TIAM2: variants seen among roughly 807,000 people sequenced by gnomAD.
TIAM2 encodes the protein TIAM Rac1 associated GEF 2, also known as rho guanine nucleotide exchange factor TIAM2.
TIAM2 carries 80 observed loss-of-function variants against 152.9 expected under a neutral mutation model. That is an observed-to-expected ratio of 0.52 (90% CI 0.44 to 0.63). The LOEUF is 0.63. Among genes scored for constraint, TIAM2 ranks in the 30% least tolerant of loss-of-function variants. The probability of loss-of-function intolerance (pLI) is 0.00; values close to 1 mark genes in which losing one functional copy is unlikely to be tolerated. For missense variants in TIAM2, 1,965 were observed against 2,120.1 expected, an observed-to-expected ratio of 0.93 and a Z score of 1.44; for synonymous variants, 804 against 838.0, an observed-to-expected ratio of 0.96 and a Z score of 0.70.
chr6:155,236,934 C>G (rs188998981), intron 15 of TIAM2, among the ~76,000 whole-genome samples: 2 of 152,246 alleles, frequency 1.3e-5, no homozygotes, highest in Admixed American at 1.3e-4. Flanking sequence ...TGGCCCCTCC[C>G]AAATCTCATA....
chr6:155,159,108 A>G (rs1397332640), intron 7 of TIAM2, among the ~76,000 whole-genome samples: 1 of 151,860 alleles, frequency 6.6e-6, no homozygotes, highest in East Asian at 1.9e-4. Flanking sequence ...CTTTTATGTC[A>G]CCTTCTGAAG....
chr6:155,181,242 C>G (rs1780894040), intron 12 of TIAM2, among the ~76,000 whole-genome samples: 1 of 152,118 alleles, frequency 6.6e-6, no homozygotes, highest in Non-Finnish European at 1.5e-5. Context: ...GACACTAAGT[C>G]AGGAGCCATG....
chr6:155,161,877 CTTTT>C (rs1780282764), intron 7 of TIAM2, among the ~76,000 whole-genome samples: 1 of 152,126 alleles, frequency 6.6e-6, no homozygotes. Context: ...CACTCCCGGC[CTTTT>C]TTGTCTTTTT....
chr6:155,175,252 A>G (rs887150815), intron 9 of TIAM2, among the ~76,000 whole-genome samples: 3 of 152,218 alleles, frequency 2.0e-5, no homozygotes, highest in Non-Finnish European at 4.4e-5. Context: ...ATTGAGCACC[A>G]TGTTTTCAAA....
chr6:155,077,419 C>A (rs1387607733), intron 1 of TIAM2, among the ~76,000 whole-genome samples: 2 of 152,148 alleles, frequency 1.3e-5, no homozygotes, highest in African/African-American at 4.8e-5. Flanking sequence ...GTGCTGCCTT[C>A]TCAATTTTCC....
At chr6:155,089,195 T>A (rs573034962) in intron 1 of TIAM2, among the ~76,000 whole-genome samples, 79 of 141,048 alleles carry the variant, frequency 5.6e-4, no homozygotes, top group African/African-American at 1.7e-3. Context: ...TAGGAGAGGA[T>A]CCAGAAACCA....
chr6:155,029,485 C>CTATATACTATATATTATATATAATA (rs371777184), intron 1 of TIAM2, among the ~76,000 whole-genome samples: 1 of 10,370 alleles, frequency 9.6e-5, no homozygotes, highest in Non-Finnish European at 1.8e-4. Flanking sequence ...AGTATATATA[C>CTATATACTATATATTATATATAATA]TATAGTATAT....
At chr6:155,018,898 G>C (rs911207682) in intron 1 of TIAM2, among the ~76,000 whole-genome samples, 23 of 146,724 alleles carry the variant, frequency 1.6e-4, no homozygotes. Context: ...AAATTAGCTG[G>C]GTCTGGTGGC....
At chr6:155,106,232 T>C (rs1248186982) in intron 2 of TIAM2, among the ~76,000 whole-genome samples, 2 of 152,048 alleles carry the variant, frequency 1.3e-5, no homozygotes, top group Non-Finnish European at 2.9e-5. Flanking sequence ...TCCGAACTCC[T>C]GACCTCAGGT....
chr6:155,047,216 C>T (rs1390888392), intron 1 of TIAM2, among the ~76,000 whole-genome samples: 2 of 152,114 alleles, frequency 1.3e-5, no homozygotes, highest in African/African-American at 4.8e-5. Flanking sequence ...ACTCTGTCGC[C>T]CAGGCTGTAT....
chr6:155,219,352 A>G (rs1781963254), intron 15 of TIAM2, among the ~76,000 whole-genome samples: 1 of 152,178 alleles, frequency 6.6e-6, no homozygotes, highest in Admixed American at 6.5e-5. Flanking sequence ...GTGAACACCG[A>G]GATGCTTAGT....
chr6:155,227,336 A>G (rs11970442), intron 15 of TIAM2, among the ~76,000 whole-genome samples: 228 of 152,338 alleles, frequency 1.5e-3, no homozygotes, highest in African/African-American at 5.3e-3. Context: ...GGCGAATACA[A>G]TGTGTTTTAA....
chr6:155,245,133 T>C (rs1005254741), intron 18 of TIAM2, among the ~76,000 whole-genome samples: 2 of 152,200 alleles, frequency 1.3e-5, no homozygotes, highest in African/African-American at 4.8e-5. Flanking sequence ...CCCGTGGTCA[T>C]GTGGATCTGG....
Position 155,057,541 on chromosome 6 carries a change from CTTTTTTTTTT to C in TIAM2, c.-208-32734_-208-32725del, listed in dbSNP as rs71023613. On this transcript the variant is annotated intron_variant, in intron 1 of 26. Coordinates refer to ENST00000682666, the MANE Select transcript of TIAM2 (RefSeq NM_012454.4). ...TTACTCTTTTTCTTTCCATAATGTA[CTTTTTTTTTT>C]TTTTTTTTTTTTTGAGACAGAGGCT... Among the ~76,000 whole-genome samples the C allele has an allele frequency of 5.8e-3, 467 of 80,056 alleles. 1 individual carries two copies. Among genetic ancestry groups the C allele is most frequent in the Non-Finnish European group, 8.0e-3 (357 of 44,504 alleles). 52.5% of individuals were successfully genotyped at this position (80,056 alleles called of 152,430 possible). A position where few individuals can be genotyped will look rare whatever the true frequency, so the allele number is the denominator to read the frequency against.
intron 16 of TIAM2, 142 bp downstream of exon 16, chr6:155,240,851 G>A: frequency 1.2e-6 from 1 of 840,358 alleles, no homozygotes; most frequent in East Asian, 2.7e-5. Flanking sequence ...TCAGTGAATT[G>A]CTCAAGGAAG....
chr6:155,203,751 C>T (rs1016063420), intron 14 of TIAM2, among the ~76,000 whole-genome samples: 3 of 152,094 alleles, frequency 2.0e-5, no homozygotes, highest in African/African-American at 4.8e-5. Context: ...CACTGAAATA[C>T]ACTTCATTGT....
At chr6:155,223,787 T>C (rs75483369) in intron 15 of TIAM2, among the ~76,000 whole-genome samples, 1 of 152,156 alleles carries the variant, frequency 6.6e-6, no homozygotes, top group Non-Finnish European at 1.5e-5. Context: ...TAAGGGACGC[T>C]CAGGTGGCTG....
intron 5 of TIAM2, among the ~76,000 whole-genome samples, chr6:155,139,776 C>G (rs993991581): frequency 6.6e-6 from 1 of 152,096 alleles, no homozygotes; most frequent in Non-Finnish European, 1.5e-5. Context: ...CCCATCTCTA[C>G]TAAAAATACA....
In TIAM2 at chr6:155,257,190, CAAAAAAAAAAA is replaced by C; in HGVS notation, c.*80_*90del. ...TAAACTGGTGGTAAAGTGGAAATTG[CAAAAAAAAAAA>C]AAAAAAAAAACTGTTCATTCCTGGG... is the stretch of plus-strand genomic sequence containing the variant. On this transcript the variant is annotated 3_prime_UTR_variant, in exon 27 of 27. Coordinates refer to ENST00000682666, the MANE Select transcript of TIAM2 (RefSeq NM_012454.4). 5.5e-6 allele frequency: 3 copies of C among 543,898 alleles called. No homozygotes were observed. Among genetic ancestry groups the C allele is most frequent in the South Asian group, 4.5e-5 (2 of 44,058 alleles). 33.7% of individuals were successfully genotyped at this position (543,898 alleles called of 1,614,324 possible). A position where few individuals can be genotyped will look rare whatever the true frequency, so the allele number is the denominator to read the frequency against.
Sources: gnomAD v4.1 joint callset for allele counts (sites outside exome capture counted in the v4.1 genomes callset) on GRCh38, gnomAD v4.1.1 for gene constraint, MANE v1.5 for transcripts, NCBI Gene and HGNC (gene_info 2026-07-23, HGNC 2026-07-21) for gene names.